The following TBC1D10B variants were observed in gnomAD, a reference collection of about 807,000 sequenced individuals.
The protein encoded by TBC1D10B is TBC1 domain family member 10B, also known as Rab27A-GAPbeta.
TBC1D10B carries 25 observed loss-of-function variants against 78.4 expected under a neutral mutation model. The ratio of observed to expected loss-of-function variants is 0.32; its 90% CI spans 0.23 to 0.45. The LOEUF (loss-of-function observed/expected upper bound fraction) is 0.45. Among genes scored for constraint, TBC1D10B ranks in the 20% least tolerant of loss-of-function variants. TBC1D10B has a pLI of 1.00. For missense variants in TBC1D10B, 996 were observed against 1,104.8 expected, an observed-to-expected ratio of 0.90 and a Z score of 1.40; for synonymous variants, 517 against 478.0, an observed-to-expected ratio of 1.08 and a Z score of -1.06.
rs1051455193 is a variant in TBC1D10B, at chr16:30,369,601, C to T, written c.583G>A (p.Gly195Arg). The T allele has an allele frequency of 2.0e-6, 3 of 1,527,532 alleles. No individual in the cohort carries two copies. The highest frequency in any genetic ancestry group is 4.9e-5 in the East Asian group (2 of 40,592). The allele number at this position is 1,527,532 out of a possible 1,614,324, so 94.6% of individuals were successfully genotyped here. The change falls in exon 1 of 9, where the codon GGG becomes AGG. Residue 195 changes from glycine to arginine, a missense_variant. Gly to Arg is a moderately radical substitution (Grantham distance 125). Around this residue, in one of 5 missense-constraint regions of TBC1D10B, gnomAD observed 448 missense variants for 442.1 expected, o/e 1.01. Transcript: ENST00000409939. The surrounding 1 kb of genome is among the most constrained non-coding windows in gnomAD (Gnocchi z 4.3). ...GATGTTGCTGCGGCAGCTCCATGCC[C>T]ACCTGTCACTTGTCCTGATGCACTC... ...ARSASGQVTG[G>R]HGAAAATSAS...
chr16:30,369,929 C>A lies in TBC1D10B; in HGVS notation c.255G>T (p.Thr85=). 1 of 1,302,634 alleles carries A rather than the reference C, an allele frequency of 7.7e-7. No homozygotes were observed. The highest frequency in any genetic ancestry group is 9.7e-7 in the Non-Finnish European group (1 of 1,027,458). The allele number at this position is 1,302,634 out of a possible 1,614,324, so 80.7% of individuals were successfully genotyped here. A position where few individuals can be genotyped will look rare whatever the true frequency, so the allele number is the denominator to read the frequency against. ...APAPAPAPAV[T]GSTVVVLTLE... Reference sequence around the variant, plus strand: ...GGGTCAGCACCACCACCGTGCTGCCCGTGACAGCCGGGGCTGGGGCCGGGG... The same window carrying A: ...GGGTCAGCACCACCACCGTGCTGCCAGTGACAGCCGGGGCTGGGGCCGGGG... Residue 85 remains threonine (T), a synonymous_variant, in exon 1 of 9, where the codon ACG becomes ACT. Coordinates refer to ENST00000409939, the MANE Select transcript of TBC1D10B (RefSeq NM_015527.4). The surrounding 1 kb of genome is among the most constrained non-coding windows in gnomAD (Gnocchi z 4.3).
chr16:30,366,394 A>G (rs2049636023), intron 1 of TBC1D10B: 1 of 152,128 alleles, frequency 6.6e-6, no homozygotes, highest in Non-Finnish European at 1.5e-5. Flanking sequence ...AATCCCAGCT[A>G]TTCGCGAAGC....
rs1297869773 is a variant in TBC1D10B, at chr16:30,357,968, C to T, written c.2403G>A (p.Glu801=). ...GTCAGAAGTAAGCGTCCTGCCGGGCCTCGGCTGAGGGCCTGTCCCCACCAT... is the reference window on the plus strand; with the variant it reads ...GTCAGAAGTAAGCGTCCTGCCGGGCTTCGGCTGAGGGCCTGTCCCCACCAT... ...PHDGGDRPSA[E]ARQDAYF Residue 801 remains glutamate (E), a synonymous_variant, in exon 9 of 9, where the codon GAG becomes GAA. Transcript: ENST00000409939. 4 of 1,551,290 alleles carry T rather than the reference C, an allele frequency of 2.6e-6. No individual in the cohort carries two copies. The African/African-American group carries it at 5.5e-5, about 21-fold the overall frequency.
At position 30,365,748 on chromosome 16, in the gene TBC1D10B, C is replaced by A; in HGVS notation, c.957-154G>T. On this transcript the variant is annotated intron_variant, in intron 1 of 8. Coordinates refer to ENST00000409939, the MANE Select transcript of TBC1D10B (RefSeq NM_015527.4). This position sits in a 1 kb window ranked among gnomAD's most constrained non-coding sequence, Gnocchi z 5.0. ...TCAGGATGTCTGGCCACTTGGGCAT[C>A]CCAAGGCACACTGAAAGGGCTTCCT... is the stretch of plus-strand genomic sequence containing the variant. 3.0e-6 allele frequency: 2 copies of A among 664,352 alleles called. No homozygotes were observed. The highest frequency in any genetic ancestry group is 2.4e-5 in the Admixed American group (1 of 40,996). 41.2% of individuals were successfully genotyped at this position (664,352 alleles called of 1,614,324 possible).
chr16:30,361,314 T>C (rs1407549874), intron 4 of TBC1D10B, among the ~76,000 whole-genome samples: 2 of 152,114 alleles, frequency 1.3e-5, no homozygotes, highest in African/African-American at 4.8e-5. Context: ...AAAAGTCTCT[T>C]TACCCCTCTC....
At chr16:30,360,090 C>G (rs569366277) in intron 4 of TBC1D10B, 2 of 467,788 alleles carry the variant, frequency 4.3e-6, no homozygotes, top group East Asian at 7.2e-5. Flanking sequence ...CCTCCTTCCT[C>G]AGCCACATCC....
chr16:30,365,575 CCACGGGAA>C lies in TBC1D10B; in HGVS notation c.968_975del (p.Ile323ArgfsTer16). On this transcript the variant is annotated frameshift_variant, in exon 2 of 9. Coordinates refer to ENST00000409939, the MANE Select transcript of TBC1D10B (RefSeq NM_015527.4). LOFTEE classifies it high-confidence loss of function. This position sits in a 1 kb window ranked among gnomAD's most constrained non-coding sequence, Gnocchi z 5.0. Reference sequence around the variant, plus strand: ...TTGAGCTCCCGCTGCCGAGCCACGTCCACGGGAATGGAGCTCTCTCTGCAGGGTCGGGG... The same window carrying C: ...TTGAGCTCCCGCTGCCGAGCCACGTCTGGAGCTCTCTCTGCAGGGTCGGGG... 1 of 1,614,014 alleles carries C rather than the reference CCACGGGAA, an allele frequency of 6.2e-7. No individual in the cohort carries two copies. Among genetic ancestry groups the C allele is most frequent in the Non-Finnish European group, 8.5e-7 (1 of 1,179,898 alleles).
Position 30,357,924 on chromosome 16 carries a change from G to T in TBC1D10B, c.*20C>A. On this transcript the variant is annotated 3_prime_UTR_variant, in exon 9 of 9. Transcript: ENST00000409939. ...CTGAGGGAAAGAGGGGGGCCATGCA[G>T]TCCAGCCCCAGGGCAGAGGTCAGAA... The T allele has an allele frequency of 1.9e-6, 3 of 1,544,420 alleles. No individual in the cohort carries two copies. The highest frequency in any genetic ancestry group is 2.6e-6 in the Non-Finnish European group (3 of 1,143,522).
Position 30,358,079 on chromosome 16 carries a change from CTCCTGCTTCTCTCGCTCCTTT to C in TBC1D10B, c.2271_2291del (p.Glu761_Arg767del), listed in dbSNP as rs753220110. ...TCTTCTCCTGCTTCTGCCGCTCCTT[CTCCTGCTTCTCTCGCTCCTTT>C]TCCTGCTTCTCTCGCTCTTTCTCCT... On this transcript the variant is annotated inframe_deletion, in exon 9 of 9. Coordinates refer to ENST00000409939, the MANE Select transcript of TBC1D10B (RefSeq NM_015527.4). 548 of 1,551,376 alleles carry C rather than the reference CTCCTGCTTCTCTCGCTCCTTT, an allele frequency of 3.5e-4. 1 individual carries two copies. Among genetic ancestry groups the C allele is most frequent in the South Asian group, 1.0e-3 (88 of 84,056 alleles).
Position 30,359,546 on chromosome 16 carries a change from C to G in TBC1D10B, c.1444G>C (p.Ala482Pro), listed in dbSNP as rs1335926922. The G allele has an allele frequency of 6.4e-7, 1 of 1,560,306 alleles. No individual in the cohort carries two copies. Among genetic ancestry groups the G allele is most frequent in the African/African-American group, 1.4e-5 (1 of 73,340 alleles). Reference sequence around the variant, plus strand: ...AGCCTCCAGACACTCACCAGCCCTGCACTGTAGTAACCTGGGAGGTACTTG... The same window carrying G: ...AGCCTCCAGACACTCACCAGCCCTGGACTGTAGTAACCTGGGAGGTACTTG... ...CDKYLPGYYSAGLEAIQLDGE... is the reference protein window; with the variant it reads ...CDKYLPGYYSPGLEAIQLDGE... Residue 482 changes from alanine (A) to proline (P), a missense_variant, in exon 6 of 9, where the codon GCA becomes CCA. By Grantham distance (27) the Ala-to-Pro change is conservative (BLOSUM62 -1). Transcript: ENST00000409939.
intron 4 of TBC1D10B, 130 bp from the exon 5 acceptor site, chr16:30,359,971 CTTCAGCT>C (rs1204879745): frequency 1.0e-5 from 9 of 858,106 alleles, no homozygotes; most frequent in East Asian, 8.0e-5. Context: ...GCTGAGCGAG[CTTCAGCT>C]AAAGGCTCAG....
intron 8 of TBC1D10B, 24 bp downstream of exon 8, chr16:30,358,639 G>T (rs764059460): frequency 6.3e-7 from 1 of 1,592,464 alleles, no homozygotes; most frequent in Non-Finnish European, 8.6e-7. Flanking sequence ...GCAGGCAGGG[G>T]CTGCGTTGAG....
intron 1 of TBC1D10B, among the ~76,000 whole-genome samples, chr16:30,368,267 T>C (rs1467218333): frequency 6.6e-6 from 1 of 152,296 alleles, no homozygotes; most frequent in East Asian, 1.9e-4. Context: ...CTCTCCACGA[T>C]TCAGAGCAGG....
Position 30,369,559 on chromosome 16 carries a change from C to A in TBC1D10B, c.625G>T (p.Ala209Ser), listed in dbSNP as rs751739584. Reference sequence around the variant, plus strand: ...CCAGGGCCTGAGGGGTCCTCAGGAGCCTGTCCTGCTGATGCTGATGTTGCT... The same window carrying A: ...CCAGGGCCTGAGGGGTCCTCAGGAGACTGTCCTGCTGATGCTGATGTTGCT... ...AAATSASAGQAPEDPSGPGTG... is the reference protein window; with the variant it reads ...AAATSASAGQSPEDPSGPGTG... The change falls in exon 1 of 9, where the codon GCT becomes TCT. Residue 209 changes from alanine (A) to serine (S), a missense_variant. By Grantham distance (99) the Ala-to-Ser change is moderately conservative. This residue lies in a region of TBC1D10B where 448 missense variants were observed against 442.1 expected (regional missense o/e 1.01). Transcript: ENST00000409939. The surrounding 1 kb of genome is among the most constrained non-coding windows in gnomAD (Gnocchi z 4.3). 21 of 1,540,512 alleles carry A rather than the reference C, an allele frequency of 1.4e-5. No individual in the cohort carries two copies. Among genetic ancestry groups the A allele is most frequent in the South Asian group, 1.2e-4 (10 of 83,252 alleles).
rs1291864871 is a variant in TBC1D10B at position 30,369,368 on chromosome 16, G to A, written c.816C>T (p.Ser272=). The A allele has an allele frequency of 3.8e-6, 6 of 1,596,278 alleles. No individual in the cohort carries two copies. Among genetic ancestry groups the A allele is most frequent in the Admixed American group, 3.5e-5 (2 of 57,328 alleles). ...QAPDTLSYLD[S]VSLMSGTLES... is the part of the protein sequence containing the mutation. Reference sequence around the variant, plus strand: ...CCAAGGTCCCAGACATGAGGCTCACGGAGTCCAAGTAACTCAGCGTGTCCG... The same window carrying A: ...CCAAGGTCCCAGACATGAGGCTCACAGAGTCCAAGTAACTCAGCGTGTCCG... Residue 272 remains serine, a synonymous_variant, in exon 1 of 9, where the codon TCC becomes TCT. Coordinates refer to ENST00000409939, the MANE Select transcript of TBC1D10B (RefSeq NM_015527.4). The surrounding 1 kb of genome is among the most constrained non-coding windows in gnomAD (Gnocchi z 4.3).
Position 30,359,856 on chromosome 16 carries a change from G to A in TBC1D10B, c.1272-15C>T. 1.9e-6 allele frequency: 3 copies of A among 1,551,426 alleles called. No individual in the cohort carries two copies. Among genetic ancestry groups the A allele is most frequent in the Non-Finnish European group, 2.6e-6 (3 of 1,146,602 alleles). ...GGTCCTGTTGCCTGTGGGGGTTGGG[G>A]AAGACTGTGAGGGCAGTCACGGGCT... is the stretch of plus-strand genomic sequence containing the variant. On this transcript the variant is annotated splice_polypyrimidine_tract_variant and intron_variant, in intron 4 of 8. Transcript: ENST00000409939.
At chr16:30,359,676 T>A in intron 5 of TBC1D10B, 51 bp downstream of exon 5, 1 of 1,553,474 alleles carries the variant, frequency 6.4e-7, no homozygotes, top group Admixed American at 2.0e-5. Flanking sequence ...CCATCACCAC[T>A]GTAGGGTGAG....
chr16:30,359,062 C>T lies in TBC1D10B; in HGVS notation c.1642+110G>A, dbSNP rs1423758505. On this transcript the variant is annotated intron_variant, in intron 7 of 8. Transcript: ENST00000409939. The stretch of plus-strand genomic sequence containing the variant: ...AGCCCCCAGCTGCTTATGGTGAAAC[C>T]TCCACCCAACAAGTACCTTTTGTCC... 3 of 1,387,010 alleles carry T rather than the reference C, an allele frequency of 2.2e-6. No individual in the cohort carries two copies. The African/African-American group carries it at 4.4e-5, about 20-fold the overall frequency. The allele number at this position is 1,387,010 out of a possible 1,614,324, so 85.9% of individuals were successfully genotyped here.
At chr16:30,366,374 A>G (rs1001062444) in intron 1 of TBC1D10B, 1 of 152,092 alleles carries the variant, frequency 6.6e-6, no homozygotes, top group Non-Finnish European at 1.5e-5. Context: ...GCATGGTGGC[A>G]CGTGCTTGAA....
Sources: allele counts gnomAD v4.1 joint callset (sites outside exome capture counted in the v4.1 genomes callset), GRCh38; gene constraint gnomAD v4.1.1; regional missense constraint gnomAD v4.1.1; non-coding constraint Gnocchi (gnomAD v3.1); transcripts MANE v1.5; gene names NCBI Gene and HGNC (gene_info 2026-07-23, HGNC 2026-07-21).